Variants in GABRA3 observed in about 807,000 individuals in gnomAD.
The protein encoded by GABRA3 is gamma-aminobutyric acid type A receptor subunit alpha3.
In GABRA3, 10 loss-of-function variants were observed where a neutral mutation model predicts 30.1. That is an observed-to-expected ratio of 0.33 (90% confidence interval 0.20 to 0.56). The LOEUF (loss-of-function observed/expected upper bound fraction) is 0.56, where lower values mean the gene tolerates loss of function less well. GABRA3 is among the 20% of genes least tolerant of loss of function. The pLI is 0.89. For missense variants in GABRA3, 233 were observed against 392.0 expected, an observed-to-expected ratio of 0.59 and a Z score of 3.42; for synonymous variants, 151 against 146.8, an observed-to-expected ratio of 1.03 and a Z score of -0.21.
chrX:152,323,608 T>C (rs967513442), intron 3 of GABRA3, among the ~76,000 whole-genome samples: 1 of 112,449 alleles, frequency 8.9e-6, no homozygotes, highest in African/African-American at 3.2e-5. Flanking sequence ...TCTGCACTAG[T>C]AGCAGCTTAT....
chrX:152,281,013 G>A (rs1331930398), intron 4 of GABRA3, among the ~76,000 whole-genome samples: 2 of 110,875 alleles, frequency 1.8e-5, no homozygotes, highest in Non-Finnish European at 3.8e-5. Context: ...CATGCTCAGG[G>A]ACTAGAAGAG....
intron 6 of GABRA3, among the ~76,000 whole-genome samples, chrX:152,216,678 T>C (rs1167079161): frequency 9.2e-6 from 1 of 109,265 alleles, no homozygotes; most frequent in Non-Finnish European, 1.9e-5. Context: ...GCTTGGTTAA[T>C]GGAGGGAGAT....
intron 9 of GABRA3, among the ~76,000 whole-genome samples, chrX:152,173,762 G>A (rs1399640078): frequency 4.5e-5 from 5 of 110,035 alleles, no homozygotes; most frequent in Non-Finnish European, 7.6e-5. Context: ...GAGCCACCGC[G>A]CCTGGCTAAT....
In GABRA3 at chrX:152,393,405, A is replaced by G. The variant is rs770743510; in HGVS notation, c.-26-28809T>C. 1.3e-5 allele frequency: 5 copies of G among 374,448 alleles called. No homozygotes were observed. In the East Asian group the frequency reaches 3.8e-4, roughly 29 times the overall value. 30.9% of individuals were successfully genotyped at this position (374,448 alleles called of 1,213,427 possible). ...AACTCATATACACGATGCATAAAAC[A>G]CTATTTCCCTGTAAAGCAGTAGACA... On this transcript the variant is annotated intron_variant, in intron 1 of 9. Coordinates refer to ENST00000370314, the MANE Select transcript of GABRA3 (RefSeq NM_000808.4).
chrX:152,412,621 G>A (rs180978254), intron 1 of GABRA3, among the ~76,000 whole-genome samples: 8 of 111,771 alleles, frequency 7.2e-5, no homozygotes, highest in African/African-American at 2.6e-4. Context: ...ACCACATATT[G>A]TATGATTCCA....
chrX:152,192,617 G>A (rs1035693795), intron 8 of GABRA3, among the ~76,000 whole-genome samples: 2 of 111,315 alleles, frequency 1.8e-5, no homozygotes, highest in Admixed American at 1.9e-4. Flanking sequence ...AAGCCCTAAA[G>A]ATAAAAAATT....
intron 5 of GABRA3, among the ~76,000 whole-genome samples, chrX:152,231,271 G>A (rs1229550797): frequency 5.1e-5 from 5 of 98,051 alleles, no homozygotes; most frequent in Non-Finnish European, 8.5e-5. Context: ...ATATATACAC[G>A]TATATATGTA....
intron 5 of GABRA3, among the ~76,000 whole-genome samples, chrX:152,228,410 A>G (rs1031764911): frequency 1.8e-5 from 2 of 111,497 alleles, no homozygotes; most frequent in African/African-American, 6.5e-5. Context: ...TTTGCCCCTA[A>G]TCAGAAATCA....
chrX:152,361,504 C>T (rs746516043), intron 2 of GABRA3, among the ~76,000 whole-genome samples: 1 of 100,851 alleles, frequency 9.9e-6, no homozygotes, highest in South Asian at 4.7e-4. Flanking sequence ...ACCCAGGACA[C>T]GGAAGTTGCA....
chrX:152,169,988 A>G (rs1936983012), intron 9 of GABRA3, among the ~76,000 whole-genome samples: 1 of 111,801 alleles, frequency 8.9e-6, no homozygotes, highest in African/African-American at 3.3e-5. Context: ...AGTGATCCTA[A>G]TAACTTTTGC....
At chrX:152,360,705 A>T in intron 2 of GABRA3, among the ~76,000 whole-genome samples, 1 of 89,794 alleles carries the variant, frequency 1.1e-5, no homozygotes, top group Non-Finnish European at 2.1e-5. Flanking sequence ...AATAAAAAAA[A>T]AAAAATTAAA....
chrX:152,203,917 G>A (rs772444941), intron 7 of GABRA3, among the ~76,000 whole-genome samples: 9 of 111,693 alleles, frequency 8.1e-5, no homozygotes, highest in African/African-American at 2.6e-4. Flanking sequence ...CAGGTTCTAC[G>A]GAATAGAATG....
At chrX:152,213,350 G>A (rs187355106) in intron 6 of GABRA3, among the ~76,000 whole-genome samples, 2 of 111,791 alleles carry the variant, frequency 1.8e-5, no homozygotes, top group East Asian at 5.6e-4. Flanking sequence ...TGAGCTTACA[G>A]TCTAGTGAGA....
chrX:152,321,154 A>G (rs1418803515), intron 3 of GABRA3, among the ~76,000 whole-genome samples: 2 of 111,434 alleles, frequency 1.8e-5, no homozygotes, highest in Non-Finnish European at 3.8e-5. Flanking sequence ...AAGATAGGGT[A>G]AAGATAAAAC....
At chrX:152,377,583 T>C (rs1011366731) in intron 1 of GABRA3, among the ~76,000 whole-genome samples, 1 of 110,102 alleles carries the variant, frequency 9.1e-6, no homozygotes, top group Non-Finnish European at 1.9e-5. Flanking sequence ...AATTAATAAA[T>C]TGCCATTACT....
chrX:152,214,052 A>AT lies in GABRA3; in HGVS notation c.635-5909dup, dbSNP rs755966125. Among the ~76,000 whole-genome samples the AT allele has an allele frequency of 4.5e-5, 5 of 110,871 alleles. No individual in the cohort carries two copies. In the East Asian group the frequency reaches 1.4e-3, roughly 32 times the overall value. On this transcript the variant is annotated intron_variant, in intron 6 of 9. Transcript: ENST00000370314. ...ATACGAAACATTGCACCCTACAGGT[A>AT]TTTTTTCAATCTTCACCCCCTCATA... is the stretch of plus-strand genomic sequence containing the variant.
intron 3 of GABRA3, among the ~76,000 whole-genome samples, chrX:152,334,140 A>T (rs1041871173): frequency 8.9e-6 from 1 of 112,246 alleles, no homozygotes; most frequent in Non-Finnish European, 1.9e-5. Context: ...TAATAGACAG[A>T]GAAAGAACAA....
intron 6 of GABRA3, 138 bp downstream of exon 6, chrX:152,224,625 C>T: frequency 2.5e-6 from 1 of 402,466 alleles, no homozygotes; most frequent in South Asian, 6.7e-5. Flanking sequence ...CAACCCCACT[C>T]TCTGACCCAC....
chrX:152,313,697 C>T (rs1349810256), intron 3 of GABRA3, among the ~76,000 whole-genome samples: 1 of 111,954 alleles, frequency 8.9e-6, no homozygotes, highest in South Asian at 3.7e-4. Flanking sequence ...CAGCGACTGC[C>T]TGAGAAATGT....
Sources: allele counts gnomAD v4.1 joint callset (sites outside exome capture counted in the v4.1 genomes callset), GRCh38; gene constraint gnomAD v4.1.1; transcripts MANE v1.5; gene names NCBI Gene and HGNC (gene_info 2026-07-23, HGNC 2026-07-21).